GPBP1L1: variants seen among roughly 807,000 people sequenced by gnomAD.
The protein encoded by GPBP1L1 is vasculin-like protein 1.
Under a neutral mutation model 52.5 loss-of-function variants are expected in GPBP1L1, and 23 were observed. The observed-to-expected ratio is 0.44, with a 90% CI of 0.32 to 0.62. GPBP1L1 has a LOEUF of 0.62. Ranked by LOEUF, GPBP1L1 falls within the 20% of genes least tolerant of loss-of-function variation. The pLI is 0.06. For missense variants in GPBP1L1, 596 were observed against 579.3 expected (o/e 1.03, Z -0.30); for synonymous variants, 243 against 203.1 (o/e 1.20, Z -1.67).
chr1:45,645,768 G>GTT (rs200618825), intron 6 of GPBP1L1: 1,590 of 207,174 alleles, frequency 7.7e-3, no homozygotes, highest in South Asian at 0.011. Flanking sequence ...GAAGTTTTTT[G>GTT]TTTTTTTTTT....
At chr1:45,666,051 C>G (rs1645006750) in intron 2 of GPBP1L1, among the ~76,000 whole-genome samples, 1 of 152,050 alleles carries the variant, frequency 6.6e-6, no homozygotes, top group Non-Finnish European at 1.5e-5. Context: ...TTTCCCCCAC[C>G]CCTCAAAAAC....
At chr1:45,640,144 A>T in intron 8 of GPBP1L1, 66 bp downstream of exon 8, 2 of 1,301,146 alleles carry the variant, frequency 1.5e-6, no homozygotes, top group Non-Finnish European at 2.2e-6. Context: ...CAAATTTATT[A>T]ATTTTTTCCT....
intron 2 of GPBP1L1, among the ~76,000 whole-genome samples, chr1:45,672,482 A>C (rs1484997428): frequency 6.6e-6 from 1 of 152,202 alleles, no homozygotes; most frequent in African/African-American, 2.4e-5. Flanking sequence ...ATTAATTCTA[A>C]TAATTTGTCT....
At chr1:45,638,531 C>G (rs1000425496) in intron 8 of GPBP1L1, among the ~76,000 whole-genome samples, 2 of 152,200 alleles carry the variant, frequency 1.3e-5, no homozygotes, top group African/African-American at 4.8e-5. Flanking sequence ...TTTCTCAGTA[C>G]TATCCCATTC....
chr1:45,642,203 T>A lies in GPBP1L1; in HGVS notation c.550+224A>T, dbSNP rs1005309063. Among the ~76,000 whole-genome samples the A allele has an allele frequency of 2.0e-4, 31 of 152,158 alleles. 1 individual carries two copies. The highest frequency in any genetic ancestry group is 2.9e-5 in the Non-Finnish European group (2 of 68,020). On this transcript the variant is annotated intron_variant, in intron 7 of 12. Transcript: ENST00000355105. ...AATTCACGGTTCTATAAGTTCTCAG[T>A]TGTCTGTATTTTGACTCTACTACCA...
At chr1:45,637,519 T>C (rs1002316282) in intron 8 of GPBP1L1, among the ~76,000 whole-genome samples, 4 of 152,196 alleles carry the variant, frequency 2.6e-5, no homozygotes, top group Non-Finnish European at 5.9e-5. Flanking sequence ...TCTTCAAGCT[T>C]CAAGAGCAGC....
upstream of GPBP1L1, chr1:45,687,160 G>A (rs1436541696): frequency 6.6e-6 from 1 of 152,266 alleles, no homozygotes; most frequent in African/African-American, 2.4e-5. Flanking sequence ...CTACCCGCTG[G>A]GAGTAGTAGT....
At chr1:45,634,898 G>C (rs1194585884) in intron 8 of GPBP1L1, 1 of 152,234 alleles carries the variant, frequency 6.6e-6, no homozygotes, top group Non-Finnish European at 1.5e-5. Context: ...GGAGACCAAG[G>C]AAGATGTGGC....
chr1:45,639,732 C>T (rs540685148), intron 8 of GPBP1L1, among the ~76,000 whole-genome samples: 77 of 151,488 alleles, frequency 5.1e-4, no homozygotes, highest in Admixed American at 2.4e-3. Context: ...AAAAAAACAC[C>T]GAGCCGGGTG....
chr1:45,641,550 G>A (rs1164624864), intron 7 of GPBP1L1: 1 of 152,124 alleles, frequency 6.6e-6, no homozygotes, highest in East Asian at 1.9e-4. Flanking sequence ...TGGGTATGGT[G>A]GCTCACGCCT....
At chr1:45,683,927 C>A (rs553886223) in intron 2 of GPBP1L1, among the ~76,000 whole-genome samples, 1 of 148,046 alleles carries the variant, frequency 6.8e-6, no homozygotes, top group South Asian at 2.1e-4. Flanking sequence ...GTATCAAAAA[C>A]AAAACAAAAC....
In GPBP1L1 at chr1:45,660,774, T is replaced by C. The variant is rs575118003; in HGVS notation, c.-646A>G. Reference sequence around the variant, plus strand: ...ACTGCTAAAAAATAGTGTGCAGATATGTATTTATATTTGCCTTAACCTTCA... The same window carrying C: ...ACTGCTAAAAAATAGTGTGCAGATACGTATTTATATTTGCCTTAACCTTCA... On this transcript the variant is annotated 5_prime_UTR_variant, in exon 3 of 13. Coordinates refer to ENST00000355105, the MANE Select transcript of GPBP1L1 (RefSeq NM_021639.5). The C allele has an allele frequency of 1.3e-5, 2 of 153,130 alleles. No homozygotes were observed. Among genetic ancestry groups the C allele is most frequent in the East Asian group, 3.8e-4 (2 of 5,196 alleles). 9.5% of individuals were successfully genotyped at this position (153,130 alleles called of 1,614,324 possible).
In GPBP1L1 at chr1:45,655,280, G is replaced by A. The variant is rs745614097; in HGVS notation, c.100C>T (p.Pro34Ser). ...ACTCCAAATCTACCTTCTCCTCTGG[G>A]TAGGTGCTCTCCGTGTTTTTCGAAG... The part of the protein sequence containing the change: ...ATFEKHGEHL[P>S]RGEGRFGVSR... Residue 34 changes from proline (P) to serine (S), a missense_variant, in exon 5 of 13, where the codon CCC becomes TCC. Transcript: ENST00000355105. The A allele has an allele frequency of 1.2e-6, 2 of 1,614,072 alleles. No individual in the cohort carries two copies. The highest frequency in any genetic ancestry group is 1.1e-5 in the South Asian group (1 of 91,084).
Position 45,642,518 on chromosome 1 carries a change from G to A in GPBP1L1, c.478-19C>T, listed in dbSNP as rs1201054755. On this transcript the variant is annotated intron_variant, in intron 6 of 12. Coordinates refer to ENST00000355105, the MANE Select transcript of GPBP1L1 (RefSeq NM_021639.5). ...AGGAAGGCTAGGAAAAAAGGGATAT[G>A]AATGGTTGATACAGAAAGCTGATCA... is the stretch of plus-strand genomic sequence containing the variant. 6.2e-7 allele frequency: 1 copy of A among 1,601,604 alleles called. No homozygotes were observed. The highest frequency in any genetic ancestry group is 1.3e-5 in the African/African-American group (1 of 74,794).
intron 2 of GPBP1L1, among the ~76,000 whole-genome samples, chr1:45,683,527 A>C (rs1645238423): frequency 6.7e-6 from 1 of 149,422 alleles, no homozygotes. Context: ...GTTACCTACC[A>C]GCTGGATGAA....
At chr1:45,671,428 T>C (rs957935916) in intron 2 of GPBP1L1, among the ~76,000 whole-genome samples, 1 of 151,972 alleles carries the variant, frequency 6.6e-6, no homozygotes, top group Non-Finnish European at 1.5e-5. Flanking sequence ...CAAGCTGGTC[T>C]TGAACTCCTG....
At chr1:45,629,182 T>G (rs997803302) in intron 12 of GPBP1L1, among the ~76,000 whole-genome samples, 1 of 152,214 alleles carries the variant, frequency 6.6e-6, no homozygotes, top group African/African-American at 2.4e-5. Context: ...ACAAGCTATT[T>G]AGCTTCTTAG....
chr1:45,636,655 G>C (rs533562517), intron 8 of GPBP1L1, among the ~76,000 whole-genome samples: 1 of 152,070 alleles, frequency 6.6e-6, no homozygotes, highest in African/African-American at 2.4e-5. Flanking sequence ...GTTTTTAAAC[G>C]TCCACTTACT....
chr1:45,663,167 T>G (rs1273578307), intron 2 of GPBP1L1, among the ~76,000 whole-genome samples: 1 of 151,856 alleles, frequency 6.6e-6, no homozygotes, highest in East Asian at 1.9e-4. Flanking sequence ...GAAAAATAAG[T>G]CAAGCATCCA....
Sources: allele counts gnomAD v4.1 joint callset (sites outside exome capture counted in the v4.1 genomes callset), GRCh38; gene constraint gnomAD v4.1.1; transcripts MANE v1.5; gene names NCBI Gene and HGNC (gene_info 2026-07-23, HGNC 2026-07-21).